Variants in CHST9 observed in about 807,000 individuals in gnomAD.
CHST9 encodes the protein GalNAc-4-sulfotransferase 2.
In CHST9, 41 loss-of-function variants were observed where a neutral mutation model predicts 44.4. That is an observed-to-expected ratio of 0.92 (90% confidence interval 0.72 to 1.20). CHST9 has a LOEUF of 1.20. CHST9 is among the 50% of genes most tolerant of loss of function. The pLI is 0.00. For missense variants in CHST9, 504 were observed against 516.5 expected (o/e 0.98, Z 0.23); for synonymous variants, 171 against 178.4 (o/e 0.96, Z 0.33).
At chr18:27,183,471 C>T (rs956337362) in intron 1 of CHST9, among the ~76,000 whole-genome samples, 3 of 152,116 alleles carry the variant, frequency 2.0e-5, no homozygotes, top group Non-Finnish European at 4.4e-5. Flanking sequence ...TTAGTTAGTA[C>T]ATACCAACAT....
At chr18:27,130,411 C>G (rs1598744782) in intron 2 of CHST9, among the ~76,000 whole-genome samples, 1 of 152,170 alleles carries the variant, frequency 6.6e-6, no homozygotes, top group Admixed American at 6.5e-5. Flanking sequence ...TTATATCTTT[C>G]CGCTATAATT....
chr18:27,174,146 A>C (rs996316424), intron 1 of CHST9, among the ~76,000 whole-genome samples: 5 of 151,960 alleles, frequency 3.3e-5, no homozygotes, highest in Non-Finnish European at 7.4e-5. Flanking sequence ...CCATTGTTCC[A>C]ATATTATCCT....
chr18:27,030,078 A>C (rs2057324783), intron 3 of CHST9, among the ~76,000 whole-genome samples: 1 of 152,192 alleles, frequency 6.6e-6, no homozygotes, highest in Admixed American at 6.5e-5. Flanking sequence ...TTTCTCCGTT[A>C]ATTTCCTTGG....
At chr18:27,127,849 G>A (rs2058438283) in intron 2 of CHST9, among the ~76,000 whole-genome samples, 1 of 152,138 alleles carries the variant, frequency 6.6e-6, no homozygotes, top group Non-Finnish European at 1.5e-5. Flanking sequence ...GCATGAAGGT[G>A]GAAATAAGTG....
In CHST9 at chr18:26,908,810, A is replaced by G. The variant is rs2055403104; in HGVS notation, c.*7449T>C. Reference sequence around the variant, plus strand: ...GAAGTTCAAGAAAATATACATTATAACCATTTAAGTTAAATTGCAAAATAT... The same window carrying G: ...GAAGTTCAAGAAAATATACATTATAGCCATTTAAGTTAAATTGCAAAATAT... On this transcript the variant is annotated 3_prime_UTR_variant, in exon 6 of 6. Coordinates refer to ENST00000618847, the MANE Select transcript of CHST9 (RefSeq NM_031422.6). 6.6e-6 allele frequency: 1 copy of G among 152,234 alleles called. No individual in the cohort carries two copies. Among genetic ancestry groups the G allele is most frequent in the Non-Finnish European group, 1.5e-5 (1 of 68,044 alleles). The allele number at this position is 152,234 out of a possible 1,614,324, so 9.4% of individuals were successfully genotyped here. A position where few individuals can be genotyped will look rare whatever the true frequency, so the allele number is the denominator to read the frequency against.
At position 27,068,421 on chromosome 18, in the gene CHST9, TG is replaced by T. The variant is rs2057804863; in HGVS notation, c.122-19919del. ...AGTTCTTGGGGTAAAAACTAACTTTTGTGTTATGTGTGCTGATCTCCCTTCA... is the reference window on the plus strand; with the variant it reads ...AGTTCTTGGGGTAAAAACTAACTTTTTGTTATGTGTGCTGATCTCCCTTCA... On this transcript the variant is annotated intron_variant, in intron 2 of 5. Transcript: ENST00000618847. 3.3e-5 allele frequency among the ~76,000 whole-genome samples: 5 copies of T among 149,742 alleles called. 1 individual carries two copies. The South Asian group carries it at 1.0e-3, about 31-fold the overall frequency.
chr18:27,049,482 A>G (rs1312012817), intron 2 of CHST9, among the ~76,000 whole-genome samples: 2 of 152,124 alleles, frequency 1.3e-5, no homozygotes, highest in Non-Finnish European at 2.9e-5. Context: ...CGCATCTGAC[A>G]TTGGAGCATC....
At chr18:27,126,234 C>T (rs1202252979) in intron 2 of CHST9, among the ~76,000 whole-genome samples, 3 of 152,156 alleles carry the variant, frequency 2.0e-5, no homozygotes, top group Admixed American at 2.0e-4. Context: ...AGAAGGCATA[C>T]ACCTGTATTT....
chr18:26,988,096 A>G (rs1375964718), intron 4 of CHST9, among the ~76,000 whole-genome samples: 2 of 152,214 alleles, frequency 1.3e-5, no homozygotes, highest in African/African-American at 2.4e-5. Context: ...ATAAAATTGA[A>G]TAATTAAAAA....
At chr18:26,955,410 A>G (rs1341769771) in intron 4 of CHST9, among the ~76,000 whole-genome samples, 9 of 152,144 alleles carry the variant, frequency 5.9e-5, no homozygotes, top group Non-Finnish European at 1.0e-4. Flanking sequence ...GTTTGAATTT[A>G]CCCAAATTTC....
intron 4 of CHST9, among the ~76,000 whole-genome samples, chr18:27,001,767 C>G (rs1402871821): frequency 6.6e-6 from 1 of 152,144 alleles, no homozygotes; most frequent in African/African-American, 2.4e-5. Context: ...GATAAGACTA[C>G]TTATGACAGA....
intron 2 of CHST9, among the ~76,000 whole-genome samples, chr18:27,097,939 T>A (rs1397915245): frequency 6.6e-6 from 1 of 152,166 alleles, no homozygotes; most frequent in African/African-American, 2.4e-5. Flanking sequence ...TCCACTGGTC[T>A]ATATATCTCT....
intron 1 of CHST9, among the ~76,000 whole-genome samples, chr18:27,184,027 C>T (rs2058934863): frequency 6.6e-6 from 1 of 151,886 alleles, no homozygotes; most frequent in Non-Finnish European, 1.5e-5. Flanking sequence ...TAAAATTGTA[C>T]AAAGATAGAT....
At chr18:26,969,756 A>G (rs1210037804) in intron 4 of CHST9, among the ~76,000 whole-genome samples, 2 of 152,180 alleles carry the variant, frequency 1.3e-5, no homozygotes, top group African/African-American at 4.8e-5. Flanking sequence ...ATTTTAGATA[A>G]GTTATTTGGG....
At position 26,916,200 on chromosome 18, in the gene CHST9, C is replaced by T; in HGVS notation, c.*59G>A. On this transcript the variant is annotated 3_prime_UTR_variant, in exon 6 of 6. Transcript: ENST00000618847. ...CATACAGAGAATTATAGAAAAATTA[C>T]AGCTGATTTGAACTTATCATCATTA... 1 of 1,259,450 alleles carries T rather than the reference C, an allele frequency of 7.9e-7. No homozygotes were observed. Among genetic ancestry groups the T allele is most frequent in the Non-Finnish European group, 1.1e-6 (1 of 905,778 alleles). The allele number at this position is 1,259,450 out of a possible 1,614,324, so 78.0% of individuals were successfully genotyped here. A position where few individuals can be genotyped will look rare whatever the true frequency, so the allele number is the denominator to read the frequency against.
rs2055442554 is a variant in CHST9 at position 26,911,701 on chromosome 18, A to G, written c.*4558T>C. On this transcript the variant is annotated 3_prime_UTR_variant, in exon 6 of 6. Coordinates refer to ENST00000618847, the MANE Select transcript of CHST9 (RefSeq NM_031422.6). ...GCCTGGAAGCATATGATCCTGGTGA[A>G]AAACTAAGATGTGACTGACTAGGAA... The G allele has an allele frequency of 6.6e-6, 1 of 152,214 alleles. No homozygotes were observed. The highest frequency in any genetic ancestry group is 2.1e-4 in the South Asian group (1 of 4,834). The allele number at this position is 152,214 out of a possible 1,614,324, so 9.4% of individuals were successfully genotyped here.
chr18:27,015,369 C>T lies in CHST9; in HGVS notation c.202+8747G>A, dbSNP rs116821414. 6.0e-3 allele frequency among the ~76,000 whole-genome samples: 825 copies of T among 136,854 alleles called. 14 individuals carry two copies. Among genetic ancestry groups the T allele is most frequent in the African/African-American group, 0.025 (781 of 31,608 alleles). 89.8% of individuals were successfully genotyped at this position (136,854 alleles called of 152,430 possible). A position where few individuals can be genotyped will look rare whatever the true frequency, so the allele number is the denominator to read the frequency against. ...TGTGTGTGTGTGTGTGCAGGCACTACGCATCCTTCGGAGAGTGTGAGGGGA... is the reference window on the plus strand; with the variant it reads ...TGTGTGTGTGTGTGTGCAGGCACTATGCATCCTTCGGAGAGTGTGAGGGGA... On this transcript the variant is annotated intron_variant, in intron 4 of 5. Transcript: ENST00000618847.
intron 2 of CHST9, among the ~76,000 whole-genome samples, chr18:27,139,403 T>G (rs2058545686): frequency 6.6e-6 from 1 of 151,964 alleles, no homozygotes; most frequent in South Asian, 2.1e-4. Flanking sequence ...AAACTTAACA[T>G]CAAAGCACAT....
chr18:26,970,753 C>A (rs1236587697), intron 4 of CHST9, among the ~76,000 whole-genome samples: 1 of 152,106 alleles, frequency 6.6e-6, no homozygotes, highest in Non-Finnish European at 1.5e-5. Flanking sequence ...ATAATTGCCA[C>A]CTCATAAATA....
Sources: allele counts gnomAD v4.1 joint callset (sites outside exome capture counted in the v4.1 genomes callset), GRCh38; gene constraint gnomAD v4.1.1; transcripts MANE v1.5; gene names NCBI Gene and HGNC (gene_info 2026-07-23, HGNC 2026-07-21).